Variants in KLHL1 observed in about 807,000 individuals in gnomAD.
KLHL1 encodes the protein kelch like family member 1.
A neutral mutation model predicts 77.7 loss-of-function variants in KLHL1; 47 were observed. The ratio of observed to expected loss-of-function variants is 0.60; its 90% CI spans 0.48 to 0.77. KLHL1 has a LOEUF of 0.77. Ranked by LOEUF, KLHL1 falls within the 30% of genes least tolerant of loss-of-function variation. The pLI is 0.00. For missense variants in KLHL1, 925 were observed against 910.8 expected, an observed-to-expected ratio of 1.02 and a Z score of -0.20; for synonymous variants, 360 against 325.2, an observed-to-expected ratio of 1.11 and a Z score of -1.15.
At chr13:69,873,175 T>G (rs1268498840) in intron 5 of KLHL1, among the ~76,000 whole-genome samples, 1 of 152,170 alleles carries the variant, frequency 6.6e-6, no homozygotes, top group Non-Finnish European at 1.5e-5. Context: ...CATGATCAAA[T>G]AGTGAACTAA....
chr13:70,021,241 T>A (rs1327313218), intron 1 of KLHL1, among the ~76,000 whole-genome samples: 1 of 152,098 alleles, frequency 6.6e-6, no homozygotes, highest in East Asian at 1.9e-4. Flanking sequence ...TTTTGCCTTT[T>A]CCAGAATGTC....
intron 7 of KLHL1, among the ~76,000 whole-genome samples, chr13:69,780,134 T>C (rs1249452580): frequency 6.6e-6 from 1 of 152,154 alleles, no homozygotes; most frequent in Non-Finnish European, 1.5e-5. Flanking sequence ...CAATCAGATA[T>C]CCATAAGTAT....
chr13:70,077,973 A>G (rs1364612307), intron 1 of KLHL1, among the ~76,000 whole-genome samples: 1 of 152,168 alleles, frequency 6.6e-6, no homozygotes, highest in East Asian at 1.9e-4. Flanking sequence ...AATTCAGTCC[A>G]TATTTATCAT....
At chr13:69,785,201 C>A (rs552250577) in intron 7 of KLHL1, among the ~76,000 whole-genome samples, 85 of 152,204 alleles carry the variant, frequency 5.6e-4, no homozygotes, top group African/African-American at 2.0e-3. Flanking sequence ...CCAGAATATA[C>A]ATTTTTTTCA....
intron 1 of KLHL1, among the ~76,000 whole-genome samples, chr13:70,047,346 T>C (rs1333570257): frequency 6.6e-6 from 1 of 151,494 alleles, no homozygotes; most frequent in Non-Finnish European, 1.5e-5. Context: ...GAAATGAGTG[T>C]TTTGTTCACA....
intron 1 of KLHL1, among the ~76,000 whole-genome samples, chr13:70,019,098 T>C (rs1024149735): frequency 6.6e-5 from 10 of 152,198 alleles, no homozygotes; most frequent in Admixed American, 6.6e-4. Context: ...GAAATGATGA[T>C]ACTTGAGTGT....
chr13:70,048,426 G>T (rs1886550555), intron 1 of KLHL1, among the ~76,000 whole-genome samples: 1 of 152,132 alleles, frequency 6.6e-6, no homozygotes, highest in Non-Finnish European at 1.5e-5. Context: ...GGTAAGCAAG[G>T]ACATCATTCA....
intron 5 of KLHL1, among the ~76,000 whole-genome samples, chr13:69,859,897 G>A (rs1481046260): frequency 6.6e-6 from 1 of 152,028 alleles, no homozygotes; most frequent in South Asian, 2.1e-4. Flanking sequence ...GCGTACAAAA[G>A]CAAGGACTCA....
At chr13:69,761,844 C>G (rs950922542) in intron 7 of KLHL1, among the ~76,000 whole-genome samples, 2 of 152,102 alleles carry the variant, frequency 1.3e-5, no homozygotes, top group Non-Finnish European at 2.9e-5. Context: ...AATGACTCAT[C>G]ATGGAATAGA....
intron 1 of KLHL1, among the ~76,000 whole-genome samples, chr13:70,006,977 T>C (rs1380086979): frequency 6.6e-6 from 1 of 152,070 alleles, no homozygotes; most frequent in Non-Finnish European, 1.5e-5. Flanking sequence ...TGATTATAGT[T>C]AATAAAAGTT....
intron 4 of KLHL1, among the ~76,000 whole-genome samples, chr13:69,916,505 C>T (rs1404456023): frequency 6.6e-6 from 1 of 151,856 alleles, no homozygotes; most frequent in Non-Finnish European, 1.5e-5. Flanking sequence ...AAACCAAACA[C>T]CACATGTTCT....
At chr13:69,843,863 G>T (rs556454389) in intron 5 of KLHL1, among the ~76,000 whole-genome samples, 1 of 151,594 alleles carries the variant, frequency 6.6e-6, no homozygotes, top group South Asian at 2.1e-4. Context: ...GTGGAGGTTT[G>T]TTACATATGT....
chr13:69,762,924 A>AGTAGTAATT (rs1210446314), intron 7 of KLHL1, among the ~76,000 whole-genome samples: 1 of 151,986 alleles, frequency 6.6e-6, no homozygotes, highest in Non-Finnish European at 1.5e-5. Flanking sequence ...AAGGAAGTTT[A>AGTAGTAATT]GTAGTAATTT....
intron 6 of KLHL1, among the ~76,000 whole-genome samples, chr13:69,810,610 C>T (rs1054227464): frequency 2.0e-5 from 3 of 151,646 alleles, no homozygotes; most frequent in African/African-American, 4.8e-5. Context: ...GCAACCTAAC[C>T]GAACATCCAA....
chr13:70,036,833 GTCTTT>G (rs1159555159), intron 1 of KLHL1, among the ~76,000 whole-genome samples: 1 of 86,928 alleles, frequency 1.2e-5, no homozygotes, highest in African/African-American at 5.0e-5. Context: ...TAATGCCATG[GTCTTT>G]TTTTTTTTTT....
intron 1 of KLHL1, among the ~76,000 whole-genome samples, chr13:70,080,450 T>C (rs1247329601): frequency 6.6e-6 from 1 of 152,204 alleles, no homozygotes; most frequent in East Asian, 1.9e-4. Flanking sequence ...ACCTAGAGGC[T>C]CTATTTCCTC....
At chr13:69,911,293 G>C (rs182444389) in intron 4 of KLHL1, among the ~76,000 whole-genome samples, 1 of 152,114 alleles carries the variant, frequency 6.6e-6, no homozygotes, top group Admixed American at 6.5e-5. Flanking sequence ...ATTTCTGCAT[G>C]TTGGGAGAAA....
intron 1 of KLHL1, among the ~76,000 whole-genome samples, chr13:70,048,698 C>T (rs751492781): frequency 6.6e-6 from 1 of 152,178 alleles, no homozygotes; most frequent in Non-Finnish European, 1.5e-5. Context: ...CTAATGCAGC[C>T]TCTGATCTGA....
At chr13:69,966,473 G>C (rs1481022440) in intron 2 of KLHL1, among the ~76,000 whole-genome samples, 1 of 152,166 alleles carries the variant, frequency 6.6e-6, no homozygotes, top group Non-Finnish European at 1.5e-5. Context: ...GGTTGCTCAA[G>C]AGCTCTGACA....
Sources: gnomAD v4.1 joint callset for allele counts (sites outside exome capture counted in the v4.1 genomes callset) on GRCh38, gnomAD v4.1.1 for gene constraint, MANE v1.5 for transcripts, NCBI Gene and HGNC (gene_info 2026-07-23, HGNC 2026-07-21) for gene names.